GTF2F2: variants seen among roughly 807,000 people sequenced by gnomAD.
GTF2F2 encodes ATP-dependent helicase GTF2F2.
A neutral mutation model predicts 42.2 loss-of-function variants in GTF2F2; 23 were observed. That is an observed-to-expected ratio of 0.55 (90% confidence interval 0.39 to 0.77). The LOEUF (loss-of-function observed/expected upper bound fraction) is 0.77, where lower values mean the gene tolerates loss of function less well. Ranked by LOEUF, GTF2F2 falls within the 30% of genes least tolerant of loss-of-function variation. The pLI is 0.00. For missense variants in GTF2F2, 261 were observed against 287.2 expected (o/e 0.91, Z 0.66); for synonymous variants, 105 against 100.8 (o/e 1.04, Z -0.25).
At chr13:45,209,287 A>G (rs558400988) in intron 5 of GTF2F2, among the ~76,000 whole-genome samples, 2 of 152,314 alleles carry the variant, frequency 1.3e-5, no homozygotes, top group East Asian at 3.9e-4. Context: ...ACAGTTGCCT[A>G]CAGTATTCAT....
At chr13:45,169,256 C>A (rs1871474875) in intron 4 of GTF2F2, among the ~76,000 whole-genome samples, 1 of 152,122 alleles carries the variant, frequency 6.6e-6, no homozygotes, top group South Asian at 2.1e-4. Flanking sequence ...TAAAAAGAGG[C>A]AGTGGCAATT....
At chr13:45,234,901 C>T (rs1043437749) in intron 5 of GTF2F2, among the ~76,000 whole-genome samples, 2 of 151,822 alleles carry the variant, frequency 1.3e-5, no homozygotes, top group East Asian at 1.9e-4. Context: ...CAAAGTTAGC[C>T]GGGCATGGTG....
intron 1 of GTF2F2, among the ~76,000 whole-genome samples, chr13:45,134,199 A>G (rs903098542): frequency 6.6e-6 from 1 of 152,114 alleles, no homozygotes; most frequent in Non-Finnish European, 1.5e-5. Context: ...TTTTAATGGT[A>G]TTGACTACCC....
intron 5 of GTF2F2, among the ~76,000 whole-genome samples, chr13:45,222,811 G>C (rs1874172700): frequency 6.6e-6 from 1 of 152,166 alleles, no homozygotes; most frequent in Non-Finnish European, 1.5e-5. Flanking sequence ...GTTTCAAAAA[G>C]ATAAATACTA....
At chr13:45,267,738 A>G (rs1876627217) in intron 7 of GTF2F2, among the ~76,000 whole-genome samples, 1 of 151,026 alleles carries the variant, frequency 6.6e-6, no homozygotes, top group Non-Finnish European at 1.5e-5. Flanking sequence ...GAAAAATCGC[A>G]TTCTTTAAAG....
At chr13:45,240,947 T>A (rs544424214) in intron 5 of GTF2F2, among the ~76,000 whole-genome samples, 1 of 144,620 alleles carries the variant, frequency 6.9e-6, no homozygotes, top group African/African-American at 2.6e-5. Context: ...TGAGACCAGC[T>A]GGGCAACATG....
At chr13:45,128,332 T>C (rs1261568133) in intron 1 of GTF2F2, among the ~76,000 whole-genome samples, 1 of 148,636 alleles carries the variant, frequency 6.7e-6, no homozygotes, top group African/African-American at 2.5e-5. Context: ...TGCAGCACTT[T>C]GGGAGGCCGA....
At chr13:45,130,072 T>G (rs1489610989) in intron 1 of GTF2F2, among the ~76,000 whole-genome samples, 2 of 152,206 alleles carry the variant, frequency 1.3e-5, no homozygotes, top group Non-Finnish European at 2.9e-5. Flanking sequence ...GTTGAAGATA[T>G]GGGATAGGAT....
intron 4 of GTF2F2, among the ~76,000 whole-genome samples, chr13:45,168,465 A>G (rs1027994921): frequency 6.6e-6 from 1 of 152,254 alleles, no homozygotes; most frequent in African/African-American, 2.4e-5. Flanking sequence ...ATCCTCAGGT[A>G]GGGTGACTAA....
intron 4 of GTF2F2, chr13:45,193,481 C>G (rs538007995): frequency 8.0e-6 from 2 of 250,076 alleles, no homozygotes; most frequent in African/African-American, 4.5e-5. Flanking sequence ...GTGCAAATAC[C>G]CAAGACAATC....
At chr13:45,166,951 G>A (rs1191727929) in intron 4 of GTF2F2, among the ~76,000 whole-genome samples, 1 of 152,082 alleles carries the variant, frequency 6.6e-6, no homozygotes, top group East Asian at 1.9e-4. Context: ...AATTAAACAT[G>A]TTTAAGTTCT....
intron 7 of GTF2F2, among the ~76,000 whole-genome samples, chr13:45,279,621 C>T (rs1877175643): frequency 6.6e-6 from 1 of 152,130 alleles, no homozygotes; most frequent in Non-Finnish European, 1.5e-5. Flanking sequence ...ATAACAGGAG[C>T]ATGTGGCCGG....
chr13:45,186,352 C>T (rs1872425283), intron 4 of GTF2F2, among the ~76,000 whole-genome samples: 1 of 150,016 alleles, frequency 6.7e-6, no homozygotes, highest in Non-Finnish European at 1.5e-5. Flanking sequence ...AGTGTAATAG[C>T]TCGATCTCTG....
chr13:45,259,148 C>T lies in GTF2F2; in HGVS notation c.486+6178C>T, dbSNP rs551536507. Among the ~76,000 whole-genome samples, 16 of 152,138 alleles carry T rather than the reference C, an allele frequency of 1.1e-4. No individual in the cohort carries two copies. In the South Asian group the frequency reaches 1.9e-3, roughly 18 times the overall value. On this transcript the variant is annotated intron_variant, in intron 6 of 7. Transcript: ENST00000340473. ...AAGCTTTTAAAGAAGAAAAATAGGCCGGGTGCGGTGGCTCACACCTGTAAT... is the reference window on the plus strand; with the variant it reads ...AAGCTTTTAAAGAAGAAAAATAGGCTGGGTGCGGTGGCTCACACCTGTAAT...
intron 2 of GTF2F2, 47 bp downstream of exon 2, chr13:45,136,853 AT>A: frequency 9.6e-7 from 1 of 1,040,678 alleles, no homozygotes; most frequent in Non-Finnish European, 1.5e-6. Flanking sequence ...TATTTTTGAA[AT>A]TTTTATAAGT....
intron 1 of GTF2F2, among the ~76,000 whole-genome samples, chr13:45,125,459 A>G (rs1366115061): frequency 6.6e-6 from 1 of 152,128 alleles, no homozygotes; most frequent in Non-Finnish European, 1.5e-5. Flanking sequence ...AGCTGGGGCT[A>G]CAGGCGCGGG....
chr13:45,222,760 A>G (rs1311978853), intron 5 of GTF2F2, among the ~76,000 whole-genome samples: 1 of 152,220 alleles, frequency 6.6e-6, no homozygotes, highest in Admixed American at 6.5e-5. Context: ...TGAGTTGTTC[A>G]CTGTAGATAA....
chr13:45,217,450 T>C (rs1314686911), intron 5 of GTF2F2, among the ~76,000 whole-genome samples: 1 of 152,216 alleles, frequency 6.6e-6, no homozygotes, highest in Non-Finnish European at 1.5e-5. Flanking sequence ...CCTTTATTAC[T>C]TTTGTTTCTG....
chr13:45,233,983 A>G (rs1003425909), intron 5 of GTF2F2, among the ~76,000 whole-genome samples: 1 of 152,244 alleles, frequency 6.6e-6, no homozygotes, highest in African/African-American at 2.4e-5. Context: ...ATGTTTTCCT[A>G]CTGGTGAATC....
Sources: allele counts gnomAD v4.1 joint callset (sites outside exome capture counted in the v4.1 genomes callset), GRCh38; gene constraint gnomAD v4.1.1; transcripts MANE v1.5; gene names NCBI Gene and HGNC (gene_info 2026-07-23, HGNC 2026-07-21).